PCDH17: variants seen among roughly 807,000 people sequenced by gnomAD.
PCDH17 encodes protocadherin-17.
In PCDH17, 21 loss-of-function variants were observed where a neutral mutation model predicts 67.7. That is an observed-to-expected ratio of 0.31 (90% CI 0.22 to 0.45). The LOEUF (loss-of-function observed/expected upper bound fraction) is 0.45. Ranked by LOEUF, PCDH17 falls within the 20% of genes least tolerant of loss-of-function variation. The pLI is 1.00. For synonymous variants in PCDH17, 701 were observed against 656.7 expected (o/e 1.07, Z -1.03); for missense variants, 1,471 against 1,564.8 (o/e 0.94, Z 1.01).
rs568131386 is a variant in PCDH17 at position 57,631,839 on chromosome 13, C to T, written c.-708C>T. ...ATGCAGTCCGCCGCCGCCGCTGCCT[C>T]AGCCAGCAATGCAAGATTAGATCTC... On this transcript the variant is annotated 5_prime_UTR_variant, in exon 1 of 4. Transcript: ENST00000377918. 1 of 152,402 alleles carries T rather than the reference C, an allele frequency of 6.6e-6. No homozygotes were observed. The highest frequency in any genetic ancestry group is 1.9e-4 in the East Asian group (1 of 5,172). The allele number at this position is 152,402 out of a possible 1,614,324, so 9.4% of individuals were successfully genotyped here.
chr13:57,701,925 G>A (rs962575762), intron 3 of PCDH17, among the ~76,000 whole-genome samples: 5 of 151,956 alleles, frequency 3.3e-5, no homozygotes, highest in Admixed American at 6.6e-5. Flanking sequence ...ATAACTGTAC[G>A]GGTTTTTTTT....
Position 57,632,636 on chromosome 13 carries a change from G to C in PCDH17, c.90G>C (p.Gly30=). The change falls in exon 1 of 4, where the codon GGG becomes GGC. Residue 30 remains glycine (G), a synonymous_variant. Transcript: ENST00000377918. The part of the protein sequence containing the change: ...NLNYSVPEEQ[G]AGTVIGNIGR... ...ACTACTCCGTGCCGGAGGAGCAAGG[G>C]GCCGGCACGGTGATCGGGAACATCG... is the stretch of plus-strand genomic sequence containing the variant. 1 of 1,613,418 alleles carries C rather than the reference G, an allele frequency of 6.2e-7. No homozygotes were observed. The highest frequency in any genetic ancestry group is 8.5e-7 in the Non-Finnish European group (1 of 1,179,972).
intron 3 of PCDH17, among the ~76,000 whole-genome samples, chr13:57,674,033 G>C (rs1955357174): frequency 6.6e-6 from 1 of 151,918 alleles, no homozygotes; most frequent in Non-Finnish European, 1.5e-5. Context: ...TCTGCTTCTA[G>C]AATCCAGCAG....
intron 3 of PCDH17, among the ~76,000 whole-genome samples, chr13:57,711,544 T>C (rs1955776278): frequency 6.6e-6 from 1 of 151,864 alleles, no homozygotes; most frequent in African/African-American, 2.4e-5. Context: ...CCTTGGGTGA[T>C]AATTATGTGA....
intron 3 of PCDH17, among the ~76,000 whole-genome samples, chr13:57,678,723 G>A (rs564118432): frequency 1.7e-4 from 26 of 151,616 alleles, no homozygotes; most frequent in African/African-American, 5.8e-4. Context: ...TCAAAAACAC[G>A]TGTGGCCATT....
Position 57,632,879 on chromosome 13 carries a change from C to A in PCDH17, c.333C>A (p.Asn111Lys). ...KCQLSLEVFA[N>K]DKEICMIKVE... ...AGCTGTCCCTCGAGGTGTTCGCCAA[C>A]GACAAGGAGATCTGCATGATCAAGG... Residue 111 changes from asparagine to lysine, a missense_variant, in exon 1 of 4, where the codon AAC (asparagine) becomes AAA (lysine). Physicochemically the swap from Asn to Lys is moderately conservative, Grantham distance 94. This residue lies in a region of PCDH17 where 1,163 missense variants were observed against 1,230.0 expected (regional missense o/e 0.95). Coordinates refer to ENST00000377918, the MANE Select transcript of PCDH17 (RefSeq NM_001040429.3). The A allele has an allele frequency of 1.2e-6, 2 of 1,614,074 alleles. No individual in the cohort carries two copies. The highest frequency in any genetic ancestry group is 1.7e-6 in the Non-Finnish European group (2 of 1,180,036).
At chr13:57,647,600 G>T (rs1044318536) in intron 1 of PCDH17, among the ~76,000 whole-genome samples, 4 of 151,718 alleles carry the variant, frequency 2.6e-5, no homozygotes. Flanking sequence ...ATTGGATTGA[G>T]CAGTATTATG....
At chr13:57,694,805 T>C in intron 3 of PCDH17, among the ~76,000 whole-genome samples, 1 of 151,238 alleles carries the variant, frequency 6.6e-6, no homozygotes, top group South Asian at 2.1e-4. Context: ...CTATTTTTTC[T>C]CCAGTCCTCA....
chr13:57,648,855 C>T (rs559084864), intron 1 of PCDH17, among the ~76,000 whole-genome samples: 1 of 152,148 alleles, frequency 6.6e-6, no homozygotes, highest in East Asian at 1.9e-4. Flanking sequence ...ATGTTGGGCA[C>T]TCCCAATTCC....
Position 57,725,445 on chromosome 13 carries a change from G to A in PCDH17, c.*151G>A. 2 of 635,134 alleles carry A rather than the reference G, an allele frequency of 3.1e-6. No individual in the cohort carries two copies. The highest frequency in any genetic ancestry group is 5.3e-6 in the Non-Finnish European group (2 of 379,328). The allele number at this position is 635,134 out of a possible 1,614,324, so 39.3% of individuals were successfully genotyped here. A position where few individuals can be genotyped will look rare whatever the true frequency, so the allele number is the denominator to read the frequency against. Reference sequence around the variant, plus strand: ...GAACATCTGAAGTGCCCACAAGTATGTTCTTTCCACTGCTGATTTCTTTTT... The same window carrying A: ...GAACATCTGAAGTGCCCACAAGTATATTCTTTCCACTGCTGATTTCTTTTT... On this transcript the variant is annotated 3_prime_UTR_variant, in exon 4 of 4. Transcript: ENST00000377918.
chr13:57,644,751 A>G (rs959127522), intron 1 of PCDH17, among the ~76,000 whole-genome samples: 5 of 151,692 alleles, frequency 3.3e-5, no homozygotes, highest in Admixed American at 6.6e-5. Flanking sequence ...CTCTAGAAAT[A>G]AAGATCCACA....
At chr13:57,660,179 C>T (rs1168151628) in intron 1 of PCDH17, among the ~76,000 whole-genome samples, 2 of 152,118 alleles carry the variant, frequency 1.3e-5, no homozygotes, top group Non-Finnish European at 2.9e-5. Flanking sequence ...CTGGGAGGTT[C>T]AGGCTGCAGT....
chr13:57,643,370 A>C (rs1216742843), intron 1 of PCDH17, among the ~76,000 whole-genome samples: 1 of 151,718 alleles, frequency 6.6e-6, no homozygotes, highest in Non-Finnish European at 1.5e-5. Flanking sequence ...AATATTTTTC[A>C]GTTCAAACTT....
intron 1 of PCDH17, among the ~76,000 whole-genome samples, chr13:57,650,818 TA>T (rs767527948): frequency 7.9e-5 from 12 of 152,318 alleles, no homozygotes; most frequent in Non-Finnish European, 1.5e-4. Flanking sequence ...AAACCATTGT[TA>T]ATTTTTTGTT....
intron 1 of PCDH17, among the ~76,000 whole-genome samples, chr13:57,665,583 A>C (rs1955242517): frequency 6.6e-6 from 1 of 152,126 alleles, no homozygotes; most frequent in Non-Finnish European, 1.5e-5. Context: ...AGGAAACAGG[A>C]GAAGCTTTGT....
chr13:57,724,969 G>C lies in PCDH17; in HGVS notation c.3155G>C (p.Gly1052Ala). The C allele has an allele frequency of 6.2e-7, 1 of 1,614,110 alleles. No homozygotes were observed. Among genetic ancestry groups the C allele is most frequent in the Non-Finnish European group, 8.5e-7 (1 of 1,180,014 alleles). The change falls in exon 4 of 4, where the codon GGC becomes GCC. Residue 1052 changes from glycine to alanine, a missense_variant. Coordinates refer to ENST00000377918, the MANE Select transcript of PCDH17 (RefSeq NM_001040429.3). ...ATCGAGCCTTGCACCTCAACAAAAG[G>C]CTCCCTGGATGGCTGTGAAGCAAAA... Reference protein sequence around the residue: ...ACIEPCTSTKGSLDGCEAKPG... With the variant: ...ACIEPCTSTKASLDGCEAKPG...
At chr13:57,713,974 TTTAAG>T (rs1349653175) in intron 3 of PCDH17, among the ~76,000 whole-genome samples, 1 of 151,628 alleles carries the variant, frequency 6.6e-6, no homozygotes, top group African/African-American at 2.4e-5. Context: ...GCCCACCTAA[TTTAAG>T]TTAACAAAGG....
At chr13:57,669,514 A>C (rs1053068330) in intron 3 of PCDH17, among the ~76,000 whole-genome samples, 20 of 151,686 alleles carry the variant, frequency 1.3e-4, no homozygotes, top group Admixed American at 3.3e-4. Context: ...TATTTTATCT[A>C]TCTGTCAGTC....
upstream of PCDH17, among the ~76,000 whole-genome samples, chr13:57,631,095 T>G (rs1286555493): frequency 1.3e-5 from 2 of 152,052 alleles, no homozygotes; most frequent in African/African-American, 2.4e-5. Context: ...AACCTTGATG[T>G]GTTGCTTTCA....
Sources: allele counts gnomAD v4.1 joint callset (sites outside exome capture counted in the v4.1 genomes callset), GRCh38; gene constraint gnomAD v4.1.1; regional missense constraint gnomAD v4.1.1; transcripts MANE v1.5; gene names NCBI Gene and HGNC (gene_info 2026-07-23, HGNC 2026-07-21).